STAG1: variants seen among roughly 807,000 people sequenced by gnomAD.
The protein encoded by STAG1 is cohesin subunit SA-1.
Under a neutral mutation model 170.9 loss-of-function variants are expected in STAG1, and 26 were observed. The observed-to-expected ratio is 0.15, with a 90% confidence interval of 0.11 to 0.21. The LOEUF is 0.21. Among genes scored for constraint, STAG1 ranks in the 10% least tolerant of loss-of-function variants. STAG1 has a pLI of 1.00. For synonymous variants in STAG1, 514 were observed against 497.7 expected (o/e 1.03, Z -0.44); for missense variants, 964 against 1,509.5 (o/e 0.64, Z 5.99).
intron 1 of STAG1, among the ~76,000 whole-genome samples, chr3:136,712,421 TATATTAAGA>T (rs1559965895): frequency 6.6e-6 from 1 of 152,166 alleles, no homozygotes. Context: ...ACAAATGCCT[TATATTAAGA>T]ATATATAAAA....
intron 21 of STAG1, among the ~76,000 whole-genome samples, chr3:136,403,264 G>GAAAAAA (rs1285780395): frequency 1.1e-5 from 1 of 89,766 alleles, no homozygotes; most frequent in Non-Finnish European, 2.3e-5. Flanking sequence ...GAAAAGAAAA[G>GAAAAAA]AAAAAAAAAA....
chr3:136,663,422 TTTAA>T (rs1941645354), intron 1 of STAG1, among the ~76,000 whole-genome samples: 1 of 152,176 alleles, frequency 6.6e-6, no homozygotes, highest in Non-Finnish European at 1.5e-5. Context: ...AGTGGCAGAA[TTTAA>T]TAAGTGAGAT....
chr3:136,468,207 T>C (rs2089524020), intron 12 of STAG1, among the ~76,000 whole-genome samples: 1 of 151,992 alleles, frequency 6.6e-6, no homozygotes, highest in Non-Finnish European at 1.5e-5. Context: ...AAAAAATCAA[T>C]GAATCTAGGA....
intron 12 of STAG1, among the ~76,000 whole-genome samples, chr3:136,468,420 A>G (rs1484411389): frequency 6.6e-6 from 1 of 152,214 alleles, no homozygotes; most frequent in Non-Finnish European, 1.5e-5. Context: ...AAATGGATAC[A>G]TTCCTGGACA....
chr3:136,650,539 T>C (rs1274880071), intron 1 of STAG1, among the ~76,000 whole-genome samples: 1 of 152,150 alleles, frequency 6.6e-6, no homozygotes, highest in Non-Finnish European at 1.5e-5. Context: ...TGCTAAAAAG[T>C]TACAAATGCC....
chr3:136,415,585 C>G (rs1559787167), intron 21 of STAG1, among the ~76,000 whole-genome samples: 1 of 152,188 alleles, frequency 6.6e-6, no homozygotes, highest in Non-Finnish European at 1.5e-5. Flanking sequence ...TGCCTGAAAT[C>G]CCAACACTTT....
chr3:136,383,437 A>G (rs2108316392), intron 22 of STAG1, among the ~76,000 whole-genome samples: 1 of 152,296 alleles, frequency 6.6e-6, no homozygotes. Context: ...CATATTATGG[A>G]TACTGTCACT....
Position 136,447,400 on chromosome 3 carries a change from C to T in STAG1, c.1429-3996G>A, listed in dbSNP as rs543332081. Among the ~76,000 whole-genome samples the T allele has an allele frequency of 3.7e-4, 56 of 151,678 alleles. 1 individual carries two copies. In the South Asian group the frequency reaches 0.011, roughly 30 times the overall value. On this transcript the variant is annotated intron_variant, in intron 14 of 33. Coordinates refer to ENST00000383202, the MANE Select transcript of STAG1 (RefSeq NM_005862.3). ...AGGAGAATCACTTGATCCCAGGAGGCGGAGGGTGCAGTGAGCTAAGATTCT... is the reference window on the plus strand; with the variant it reads ...AGGAGAATCACTTGATCCCAGGAGGTGGAGGGTGCAGTGAGCTAAGATTCT...
At chr3:136,398,606 C>T (rs1274451807) in intron 22 of STAG1, 143 bp downstream of exon 22, 3 of 343,828 alleles carry the variant, frequency 8.7e-6, no homozygotes, top group Non-Finnish European at 1.4e-5. Context: ...TAAGATAAAC[C>T]AAGAACTGGT....
intron 3 of STAG1, among the ~76,000 whole-genome samples, chr3:136,619,842 G>A (rs1939768167): frequency 6.6e-6 from 1 of 151,078 alleles, no homozygotes; most frequent in African/African-American, 2.4e-5. Context: ...GAGGTGGGAC[G>A]ATCAGTTGAG....
intron 1 of STAG1, among the ~76,000 whole-genome samples, chr3:136,700,874 TTC>T (rs1239512114): frequency 8.9e-5 from 13 of 145,850 alleles, no homozygotes; most frequent in African/African-American, 3.0e-4. Context: ...TCTATTTTTT[TTC>T]TTTTTTTTTT....
chr3:136,373,044 C>G (rs965838166), intron 23 of STAG1, among the ~76,000 whole-genome samples: 1 of 152,150 alleles, frequency 6.6e-6, no homozygotes, highest in Non-Finnish European at 1.5e-5. Flanking sequence ...TTGGTCTATT[C>G]AGAGATTCAA....
chr3:136,691,816 T>G (rs964394956), intron 1 of STAG1, among the ~76,000 whole-genome samples: 6 of 152,310 alleles, frequency 3.9e-5, no homozygotes, highest in African/African-American at 1.2e-4. Context: ...GAAGAGGAAC[T>G]AAGTAGATCA....
intron 1 of STAG1, among the ~76,000 whole-genome samples, chr3:136,656,871 A>G (rs1448942366): frequency 1.3e-5 from 2 of 152,162 alleles, no homozygotes; most frequent in African/African-American, 2.4e-5. Context: ...ATTAATACGT[A>G]TCAAGACCTT....
At chr3:136,664,626 T>C (rs1941691835) in intron 1 of STAG1, among the ~76,000 whole-genome samples, 1 of 152,190 alleles carries the variant, frequency 6.6e-6, no homozygotes, top group Non-Finnish European at 1.5e-5. Flanking sequence ...AGATATACTA[T>C]ACATTTGTGT....
intron 4 of STAG1, chr3:136,587,021 T>C (rs1576635953): frequency 2.7e-6 from 1 of 377,088 alleles, no homozygotes; most frequent in Admixed American, 3.5e-5. Flanking sequence ...TATTGGATGG[T>C]TACATAAATG....
chr3:136,582,227 T>C (rs1262480770), intron 4 of STAG1, among the ~76,000 whole-genome samples: 2 of 148,918 alleles, frequency 1.3e-5, no homozygotes, highest in Non-Finnish European at 3.0e-5. Flanking sequence ...GGGTGGGGGG[T>C]TAACAAAGAA....
intron 1 of STAG1, among the ~76,000 whole-genome samples, chr3:136,729,066 T>C (rs113620397): frequency 1.2e-3 from 177 of 152,328 alleles, no homozygotes; most frequent in African/African-American, 2.5e-3. Flanking sequence ...CCGCAGCCTC[T>C]GCCTCCCTGG....
At chr3:136,548,886 G>C (rs918476227) in intron 5 of STAG1, among the ~76,000 whole-genome samples, 4 of 152,118 alleles carry the variant, frequency 2.6e-5, no homozygotes, top group African/African-American at 7.2e-5. Context: ...ATTATCATAA[G>C]ATCTGGTTGT....
Sources: allele counts gnomAD v4.1 joint callset (sites outside exome capture counted in the v4.1 genomes callset), GRCh38; gene constraint gnomAD v4.1.1; transcripts MANE v1.5; gene names NCBI Gene and HGNC (gene_info 2026-07-23, HGNC 2026-07-21).